The following CYBB variants were observed in gnomAD, a reference collection of about 807,000 sequenced individuals.
The protein encoded by CYBB is cytochrome b-245 beta chain.
A neutral mutation model predicts 46.5 loss-of-function variants in CYBB; 5 were observed. The ratio of observed to expected loss-of-function variants is 0.11; its 90% CI spans 0.06 to 0.23. The LOEUF (loss-of-function observed/expected upper bound fraction) is 0.23, where lower values mean the gene tolerates loss of function less well. CYBB is among the 10% of genes least tolerant of loss of function. The probability of loss-of-function intolerance (pLI) is 1.00; values close to 1 mark genes in which losing one functional copy is unlikely to be tolerated. For missense variants in CYBB, 307 were observed against 428.3 expected (o/e 0.72, Z 2.50); for synonymous variants, 183 against 156.7 (o/e 1.17, Z -1.26).
chrX:37,788,870 G>C (rs1556466171), intron 3 of CYBB, among the ~76,000 whole-genome samples: 2 of 111,623 alleles, frequency 1.8e-5, no homozygotes, highest in Non-Finnish European at 3.8e-5. Context: ...AACAACCCCT[G>C]TTTATTAGTT....
rs782781337 is a variant in CYBB at position 37,793,566 on chromosome X, T to C, written c.338-99T>C. 82 of 947,768 alleles carry C rather than the reference T, an allele frequency of 8.7e-5. No homozygotes were observed. The African/African-American group carries it at 1.4e-3, about 16-fold the overall frequency. 78.1% of individuals were successfully genotyped at this position (947,768 alleles called of 1,213,427 possible). A position where few individuals can be genotyped will look rare whatever the true frequency, so the allele number is the denominator to read the frequency against. ...TCCTGGGCCTCCCTTTGTCTCCCTG[T>C]GGCTTATCATAGAGTCAGAGGCTGT... On this transcript the variant is annotated intron_variant, in intron 4 of 12. Coordinates refer to ENST00000378588, the MANE Select transcript of CYBB (RefSeq NM_000397.4).
intron 10 of CYBB, 123 bp downstream of exon 10, chrX:37,805,291 G>C (rs1929536846): frequency 1.5e-6 from 1 of 674,754 alleles, no homozygotes; most frequent in South Asian, 2.4e-5. Flanking sequence ...AGCTTCCGGT[G>C]GTTCCAGAGA....
intron 11 of CYBB, among the ~76,000 whole-genome samples, chrX:37,809,142 C>G (rs955210218): frequency 3.6e-5 from 4 of 112,122 alleles, no homozygotes; most frequent in African/African-American, 1.3e-4. Flanking sequence ...ATTGTTACAT[C>G]TCTTAGTAAT....
At chrX:37,801,168 C>G in intron 7 of CYBB, 88 bp from the exon 8 acceptor site, 1 of 607,629 alleles carries the variant, frequency 1.6e-6, no homozygotes, top group Non-Finnish European at 2.9e-6. Flanking sequence ...CAAAGATTAA[C>G]TTGGCTTCTA....
Position 37,796,016 on chromosome X carries a change from G to A in CYBB, c.549G>A (p.Thr183=), listed in dbSNP as rs1556468340. The A allele has an allele frequency of 1.2e-5, 14 of 1,201,258 alleles. No homozygotes were observed. In the South Asian group the frequency reaches 1.6e-4, roughly 14 times the overall value. ...CAGGCATCACTGGAGTTGTCATCAC[G>A]CTGTGCCTCATATTAATTATCACTT... ...LLAGITGVVI[T]LCLILIITSS... is the part of the protein sequence containing the mutation. The change falls in exon 6 of 13, where the codon ACG becomes ACA. Residue 183 remains threonine, a synonymous_variant. Transcript: ENST00000378588.
intron 8 of CYBB, among the ~76,000 whole-genome samples, chrX:37,803,631 T>C (rs1170398801): frequency 5.4e-5 from 6 of 111,225 alleles, no homozygotes; most frequent in African/African-American, 1.3e-4. Flanking sequence ...GATGGCCTCT[T>C]GGAGTTAACC....
chrX:37,802,622 T>C (rs1376534093), intron 8 of CYBB, among the ~76,000 whole-genome samples: 3 of 112,172 alleles, frequency 2.7e-5, no homozygotes, highest in Non-Finnish European at 5.6e-5. Flanking sequence ...GTTTTCAAAA[T>C]GAAGCTTTAC....
chrX:37,792,775 C>T (rs1461338887), intron 4 of CYBB, among the ~76,000 whole-genome samples: 6 of 110,999 alleles, frequency 5.4e-5, no homozygotes, highest in Non-Finnish European at 1.1e-4. Flanking sequence ...GCTTAGATTA[C>T]AGGCATTTAA....
chrX:37,805,490 A>G (rs1929540484), intron 10 of CYBB, among the ~76,000 whole-genome samples: 1 of 112,002 alleles, frequency 8.9e-6, no homozygotes, highest in Admixed American at 9.4e-5. Context: ...AATATTTTCC[A>G]TGTTTACATA....
chrX:37,782,709 GGTCCTTTAGTATTCTGA>G (rs1928976697), intron 2 of CYBB, among the ~76,000 whole-genome samples: 1 of 111,179 alleles, frequency 9.0e-6, no homozygotes, highest in Non-Finnish European at 1.9e-5. Context: ...AGTTTCCTTG[GGTCCTTTAGTATTCTGA>G]GTTTCCTTGA....
At chrX:37,780,601 C>A (rs1928930165) in intron 1 of CYBB, among the ~76,000 whole-genome samples, 1 of 110,697 alleles carries the variant, frequency 9.0e-6, no homozygotes, top group Admixed American at 9.6e-5. Flanking sequence ...TTTTCAAAAA[C>A]AAGTACCTTC....
Position 37,806,449 on chromosome X carries a change from A to G in CYBB, c.1377A>G (p.Gln459=), listed in dbSNP as rs782413959. The G allele has an allele frequency of 1.4e-5, 17 of 1,207,126 alleles. No homozygotes were observed. In the East Asian group the frequency reaches 4.7e-4, roughly 34 times the overall value. The change falls in exon 11 of 13, where the codon CAA becomes CAG. Residue 459 remains glutamine, a synonymous_variant. Coordinates refer to ENST00000378588, the MANE Select transcript of CYBB (RefSeq NM_000397.4). ...TTGAGTGGTTTGCAGATCTGCTGCA[A>G]CTGCTGGAGAGCCAGATGCAGGAAA... ...HAFEWFADLL[Q]LLESQMQERN...
Position 37,795,890 on chromosome X carries a change from A to ATGTGTGTG in CYBB, c.484-21_484-14dup, listed in dbSNP as rs57325016. 296 of 597,166 alleles carry ATGTGTGTG rather than the reference A, an allele frequency of 5.0e-4. 1 individual carries two copies. The highest frequency in any genetic ancestry group is 1.5e-3 in the Middle Eastern group (3 of 1,955). 49.2% of individuals were successfully genotyped at this position (597,166 alleles called of 1,213,427 possible). ...AACCTATAATATTGTGCTTGCGCAC[A>ATGTGTGTG]TGTGTGTGTGTGTGTGTGTGTGTGT... On this transcript the variant is annotated intron_variant, in intron 5 of 12. Transcript: ENST00000378588.
rs782492839 is a variant in CYBB, at chrX:37,805,006, G to A, written c.1152G>A (p.Lys384=). The change falls in exon 10 of 13, where the codon AAG becomes AAA. Residue 384 remains lysine (K), a splice_region_variant and synonymous_variant. Coordinates refer to ENST00000378588, the MANE Select transcript of CYBB (RefSeq NM_000397.4). The part of the protein sequence containing the change: ...QEFQDAWKLP[K]IAVDGPFGTA... ...CTATCTCCTCCCCATTTCCCTTCAG[G>A]ATAGCGGTTGATGGGCCCTTTGGCA... is the stretch of plus-strand genomic sequence containing the variant. 1 of 1,210,771 alleles carries A rather than the reference G, an allele frequency of 8.3e-7. No individual in the cohort carries two copies. The highest frequency in any genetic ancestry group is 1.8e-5 in the South Asian group (1 of 56,991).
In CYBB at chrX:37,789,526, AAAAT is replaced by A. The variant is rs59209229; in HGVS notation, c.253-2425_253-2422del. 1.0e-3 allele frequency among the ~76,000 whole-genome samples: 107 copies of A among 104,307 alleles called. 1 individual carries two copies. Among genetic ancestry groups the A allele is most frequent in the African/African-American group, 3.1e-3 (88 of 27,976 alleles). 90.6% of individuals were successfully genotyped at this position (104,307 alleles called of 115,157 possible). On this transcript the variant is annotated intron_variant, in intron 3 of 12. Transcript: ENST00000378588. ...GAAAGAAAGGAAGAAAGAAAGAAAG[AAAAT>A]AAATAAATAAATAAATAAATAAACT...
chrX:37,786,748 G>T (rs1304850850), intron 3 of CYBB, among the ~76,000 whole-genome samples: 1 of 111,213 alleles, frequency 9.0e-6, no homozygotes, highest in Non-Finnish European at 1.9e-5. Flanking sequence ...TTTCTGTCTG[G>T]ATGGCAGTCC....
chrX:37,784,407 G>A (rs2146804645), intron 3 of CYBB, among the ~76,000 whole-genome samples: 2 of 111,420 alleles, frequency 1.8e-5, no homozygotes, highest in South Asian at 7.4e-4. Context: ...TTTAGAGAAG[G>A]TGACATTAGA....
At chrX:37,805,803 T>C (rs946910609) in intron 10 of CYBB, among the ~76,000 whole-genome samples, 43 of 110,956 alleles carry the variant, frequency 3.9e-4, no homozygotes, top group African/African-American at 1.3e-3. Context: ...TCACAGGAGA[T>C]TTTTTGGTTA....
Position 37,813,299 on chromosome X carries a change from G to A in CYBB, c.*2382G>A, listed in dbSNP as rs1929713468. On this transcript the variant is annotated 3_prime_UTR_variant, in exon 13 of 13. Transcript: ENST00000378588. Reference sequence around the variant, plus strand: ...GATGAAGCATTGTTTTTAATCTTAAGACTATGAAGGTTTTTCTTAGTTCTT... The same window carrying A: ...GATGAAGCATTGTTTTTAATCTTAAAACTATGAAGGTTTTTCTTAGTTCTT... The A allele has an allele frequency of 1.0e-5, 1 of 99,700 alleles. No homozygotes were observed. The highest frequency in any genetic ancestry group is 2.0e-5 in the Non-Finnish European group (1 of 50,470). 8.2% of individuals were successfully genotyped at this position (99,700 alleles called of 1,213,427 possible).
Sources: gnomAD v4.1 joint callset for allele counts (sites outside exome capture counted in the v4.1 genomes callset) on GRCh38, gnomAD v4.1.1 for gene constraint, MANE v1.5 for transcripts, NCBI Gene and HGNC (gene_info 2026-07-23, HGNC 2026-07-21) for gene names.